DUSP13B: variants seen among roughly 807,000 people sequenced by gnomAD.
DUSP13B encodes the protein dual specificity protein phosphatase 13B.
the DUSP13B span, among the ~76,000 whole-genome samples, chr10:75,100,671 G>A: frequency 1.3e-5 from 2 of 152,026 alleles, no homozygotes; most frequent in Admixed American, 6.5e-5. Flanking sequence ...GCTCCTCCTC[G>A]CCCCCTTCCT....
At chr10:75,105,895 C>T in the DUSP13B span, 1 of 1,540,786 alleles carries the variant, frequency 6.5e-7, no homozygotes, top group Non-Finnish European at 8.8e-7. Context: ...GGTGAAAAAC[C>T]CTGTCCCACA....
chr10:75,101,991 G>A, the DUSP13B span: 5 of 1,357,338 alleles, frequency 3.7e-6, no homozygotes, highest in Non-Finnish European at 4.9e-6. Context: ...TAATTATAAA[G>A]CATGCTGTCT....
At chr10:75,107,304 G>A in the DUSP13B span, among the ~76,000 whole-genome samples, 15 of 150,888 alleles carry the variant, frequency 9.9e-5, no homozygotes, top group Admixed American at 8.6e-4. Context: ...CAGAGATCGC[G>A]CCACTGCACT....
At chr10:75,099,560 T>TG in the DUSP13B span, 13 of 1,229,328 alleles carry the variant, frequency 1.1e-5, no homozygotes, top group Middle Eastern at 1.2e-3. Flanking sequence ...AGGTGCTGGC[T>TG]GGGGCGCCCA....
the DUSP13B span, among the ~76,000 whole-genome samples, chr10:75,098,623 G>A: frequency 6.6e-6 from 1 of 152,078 alleles, no homozygotes; most frequent in African/African-American, 2.4e-5. Flanking sequence ...TTAGCCAGGT[G>A]TGGTGGTCCA....
the DUSP13B span, chr10:75,099,802 C>T: frequency 5.4e-6 from 1 of 185,060 alleles, no homozygotes; most frequent in Admixed American, 6.2e-5. Context: ...ATTCTGTGGC[C>T]ACGAGCAAGT....
the DUSP13B span, among the ~76,000 whole-genome samples, chr10:75,102,797 A>C: frequency 6.6e-6 from 1 of 152,094 alleles, no homozygotes; most frequent in Non-Finnish European, 1.5e-5. Context: ...TACTAAAAAT[A>C]CAAAATTAGC....
At chr10:75,094,881 G>A in the DUSP13B span, 3 of 1,613,586 alleles carry the variant, frequency 1.9e-6, no homozygotes, top group African/African-American at 1.3e-5. Context: ...CACGCGGCCT[G>A]TAGGGAGAAC....
the DUSP13B span, among the ~76,000 whole-genome samples, chr10:75,108,503 C>T: frequency 6.6e-6 from 1 of 152,184 alleles, no homozygotes; most frequent in Non-Finnish European, 1.5e-5. Flanking sequence ...AGCCCTGGAA[C>T]CTGGCTGCCC....
the DUSP13B span, among the ~76,000 whole-genome samples, chr10:75,101,349 T>C: frequency 1.3e-5 from 2 of 152,308 alleles, no homozygotes; most frequent in South Asian, 2.1e-4. Flanking sequence ...CGTCTTACTA[T>C]TATTATCACT....
At chr10:75,101,319 T>C in the DUSP13B span, among the ~76,000 whole-genome samples, 1 of 152,196 alleles carries the variant, frequency 6.6e-6, no homozygotes. Flanking sequence ...TGTCTTATGG[T>C]AGATGCCCAA....
At chr10:75,095,136 G>A in the DUSP13B span, among the ~76,000 whole-genome samples, 6 of 152,166 alleles carry the variant, frequency 3.9e-5, no homozygotes, top group Non-Finnish European at 5.9e-5. Context: ...TGCAACTCTG[G>A]GCCAGGGGAA....
the DUSP13B span, chr10:75,101,871 G>A: frequency 7.3e-7 from 1 of 1,366,468 alleles, no homozygotes; most frequent in Non-Finnish European, 9.8e-7. Context: ...ACCCACCTGT[G>A]GGAGTATCTG....
the DUSP13B span, chr10:75,094,569 A>C: frequency 7.8e-7 from 1 of 1,281,582 alleles, no homozygotes; most frequent in Non-Finnish European, 1.1e-6. Context: ...CTCAGCCCCC[A>C]CTTGCTGTTT....
the DUSP13B span, chr10:75,095,875 A>G: frequency 7.3e-7 from 1 of 1,364,786 alleles, no homozygotes; most frequent in Non-Finnish European, 1.0e-6. Context: ...AAGTTTGCAA[A>G]CACCCCCGCC....
At chr10:75,107,626 G>A in the DUSP13B span, among the ~76,000 whole-genome samples, 2 of 152,120 alleles carry the variant, frequency 1.3e-5, no homozygotes, top group Non-Finnish European at 2.9e-5. Context: ...GCCCAGGCTA[G>A]AGTGAAGTGG....
the DUSP13B span, among the ~76,000 whole-genome samples, chr10:75,095,279 A>T: frequency 6.6e-6 from 1 of 152,160 alleles, no homozygotes; most frequent in Non-Finnish European, 1.5e-5. Flanking sequence ...ATCTTAGAGG[A>T]ACCCGCTCAA....
At chr10:75,095,751 G>GTGAT in the DUSP13B span, 14 of 1,614,228 alleles carry the variant, frequency 8.7e-6, no homozygotes, top group Non-Finnish European at 8.5e-6. Flanking sequence ...CACAACGTGG[G>GTGAT]TGATTCCCAG....
the DUSP13B span, chr10:75,095,883 G>T: frequency 8.1e-7 from 1 of 1,236,592 alleles, no homozygotes; most frequent in Non-Finnish European, 1.2e-6. Flanking sequence ...AAACACCCCC[G>T]CCCACCACCC....
Sources: allele counts gnomAD v4.1 joint callset (sites outside exome capture counted in the v4.1 genomes callset), GRCh38; gene constraint gnomAD v4.1.1; transcripts MANE v1.5; gene names NCBI Gene and HGNC (gene_info 2026-07-23, HGNC 2026-07-21).